Variants in TAFA2 observed in about 807,000 individuals in gnomAD.
TAFA2 encodes TAFA chemokine like family member 2.
TAFA2 carries 7 observed loss-of-function variants against 18.8 expected under a neutral mutation model. The observed-to-expected ratio is 0.37, with a 90% CI of 0.21 to 0.70. The LOEUF is 0.70. Ranked by LOEUF, TAFA2 falls within the 30% of genes least tolerant of loss-of-function variation. The pLI is 0.53. For synonymous variants in TAFA2, 60 were observed against 54.2 expected (o/e 1.11, Z -0.47); for missense variants, 122 against 158.1 (o/e 0.77, Z 1.23).
At chr12:62,098,770 T>C (rs1228195415) in intron 1 of TAFA2, among the ~76,000 whole-genome samples, 1 of 152,134 alleles carries the variant, frequency 6.6e-6, no homozygotes, top group Non-Finnish European at 1.5e-5. Context: ...TCGAAATCCA[T>C]CAGAGACTTA....
intron 2 of TAFA2, among the ~76,000 whole-genome samples, chr12:61,825,409 G>A (rs1339891918): frequency 2.0e-5 from 3 of 152,116 alleles, no homozygotes; most frequent in Non-Finnish European, 4.4e-5. Context: ...GGCAGTATTG[G>A]TTTGTGGGGA....
chr12:61,743,846 T>C (rs187837913), intron 4 of TAFA2, among the ~76,000 whole-genome samples: 1 of 151,838 alleles, frequency 6.6e-6, no homozygotes, highest in East Asian at 2.0e-4. Flanking sequence ...GAAAGAGCCA[T>C]GGGAGAACGT....
upstream of TAFA2, among the ~76,000 whole-genome samples, chr12:62,194,687 C>A (rs1022112856): frequency 1.3e-5 from 2 of 152,180 alleles, no homozygotes; most frequent in Non-Finnish European, 2.9e-5. Context: ...TTTGCATTCT[C>A]TTCAAAGGAA....
At chr12:61,998,166 G>T (rs894849185) in intron 1 of TAFA2, among the ~76,000 whole-genome samples, 40 of 152,036 alleles carry the variant, frequency 2.6e-4, no homozygotes, top group African/African-American at 9.7e-4. Flanking sequence ...AAAGGAGAGT[G>T]GAAATTTTCC....
chr12:61,904,739 C>T (rs1234641516), intron 1 of TAFA2, among the ~76,000 whole-genome samples: 1 of 152,140 alleles, frequency 6.6e-6, no homozygotes, highest in Admixed American at 6.6e-5. Context: ...AAAATTTAGA[C>T]TCATTCCCTT....
At chr12:61,915,372 C>T (rs1362299300) in intron 1 of TAFA2, among the ~76,000 whole-genome samples, 1 of 152,186 alleles carries the variant, frequency 6.6e-6, no homozygotes. Context: ...TGACAAGGAA[C>T]ACTCTTTCTC....
At chr12:62,174,464 C>T (rs962422850) in intron 1 of TAFA2, among the ~76,000 whole-genome samples, 3 of 152,126 alleles carry the variant, frequency 2.0e-5, no homozygotes, top group Non-Finnish European at 4.4e-5. Context: ...GAGAGAACCA[C>T]AGATACTGTT....
intron 2 of TAFA2, 58 bp from the exon 3 acceptor site, chr12:61,755,082 C>A: frequency 1.9e-6 from 3 of 1,563,044 alleles, no homozygotes; most frequent in East Asian, 2.3e-5. Flanking sequence ...TTCCCCCCAC[C>A]CTTCTTTTTA....
At chr12:61,714,525 C>T (rs531953156) in intron 4 of TAFA2, among the ~76,000 whole-genome samples, 1 of 152,224 alleles carries the variant, frequency 6.6e-6, no homozygotes, top group East Asian at 1.9e-4. Context: ...AATTATAGGG[C>T]CCTGATTAGA....
chr12:61,826,643 C>A (rs920065157), intron 2 of TAFA2, among the ~76,000 whole-genome samples: 22 of 151,998 alleles, frequency 1.4e-4, no homozygotes, highest in African/African-American at 5.3e-4. Context: ...TTCCCAGTGA[C>A]CAGAGTATCT....
intron 2 of TAFA2, among the ~76,000 whole-genome samples, chr12:61,797,616 A>G (rs770087835): frequency 1.3e-5 from 2 of 152,076 alleles, no homozygotes; most frequent in African/African-American, 2.4e-5. Context: ...GACCTGGCCA[A>G]TTTTCAGCCA....
At chr12:61,741,641 G>A (rs7484749) in intron 4 of TAFA2, among the ~76,000 whole-genome samples, 49,024 of 151,876 alleles carry the variant, frequency 0.32, 8,014 homozygotes, top group South Asian at 0.38. Context: ...ATGTGCTTTC[G>A]TGGCACTTAC....
At chr12:62,039,250 C>T (rs1057238897) in intron 1 of TAFA2, among the ~76,000 whole-genome samples, 1 of 152,164 alleles carries the variant, frequency 6.6e-6, no homozygotes, top group African/African-American at 2.4e-5. Flanking sequence ...GCACCTTACA[C>T]TAATTCACTA....
At chr12:62,061,931 C>G (rs1338333985) in intron 1 of TAFA2, among the ~76,000 whole-genome samples, 1 of 152,054 alleles carries the variant, frequency 6.6e-6, no homozygotes, top group African/African-American at 2.4e-5. Context: ...GGAGAAGACG[C>G]AGCACCAAGA....
intron 1 of TAFA2, among the ~76,000 whole-genome samples, chr12:61,964,356 T>A (rs946474143): frequency 2.6e-5 from 4 of 151,928 alleles, no homozygotes; most frequent in Admixed American, 1.3e-4. Flanking sequence ...TTTAGACTAT[T>A]GTTTTAACCT....
Position 62,034,473 on chromosome 12 carries a change from G to A in TAFA2, c.-2+156786C>T, listed in dbSNP as rs185512465. On this transcript the variant is annotated intron_variant, in intron 1 of 4. Transcript: ENST00000416284. The stretch of plus-strand genomic sequence containing the variant: ...TGTAATGTTTATTCTAATTTGTTTT[G>A]GATAATAAATAGATTAATCGTTTTA... 1.2e-4 allele frequency among the ~76,000 whole-genome samples: 18 copies of A among 151,996 alleles called. No individual in the cohort carries two copies. In the East Asian group the frequency reaches 3.1e-3, roughly 26 times the overall value.
chr12:61,923,921 C>T (rs1181442901), intron 1 of TAFA2, among the ~76,000 whole-genome samples: 1 of 151,234 alleles, frequency 6.6e-6, no homozygotes, highest in African/African-American at 2.4e-5. Flanking sequence ...AAACACAGCA[C>T]AAGAACTTCA....
chr12:62,214,444 T>A (rs865945324), intron 1 of TAFA2, among the ~76,000 whole-genome samples: 1 of 152,206 alleles, frequency 6.6e-6, no homozygotes, highest in Non-Finnish European at 1.5e-5. Flanking sequence ...TCCCCAGCCA[T>A]GTGGAACTGT....
chr12:61,765,914 T>A (rs1296297746), intron 2 of TAFA2, among the ~76,000 whole-genome samples: 1 of 152,070 alleles, frequency 6.6e-6, no homozygotes, highest in South Asian at 2.1e-4. Flanking sequence ...AGGAGATAGC[T>A]AACTAGAACT....
Sources: allele counts gnomAD v4.1 joint callset (sites outside exome capture counted in the v4.1 genomes callset), GRCh38; gene constraint gnomAD v4.1.1; transcripts MANE v1.5; gene names NCBI Gene and HGNC (gene_info 2026-07-23, HGNC 2026-07-21).